The following WWP2 variants were observed in gnomAD, a reference collection of about 807,000 sequenced individuals.
WWP2 encodes WW domain containing E3 ubiquitin protein ligase 2, also known as NEDD4-like E3 ubiquitin-protein ligase WWP2.
In WWP2, 57 loss-of-function variants were observed where a neutral mutation model predicts 121.0. That is an observed-to-expected ratio of 0.47 (90% CI 0.38 to 0.59). The LOEUF (loss-of-function observed/expected upper bound fraction) is 0.59. Ranked by LOEUF, WWP2 falls within the 20% of genes least tolerant of loss-of-function variation. WWP2 has a pLI of 0.00. For synonymous variants in WWP2, 449 were observed against 441.3 expected (o/e 1.02, Z -0.22); for missense variants, 962 against 1,158.9 (o/e 0.83, Z 2.47).
At chr16:69,780,977 A>G (rs575412323) in intron 1 of WWP2, among the ~76,000 whole-genome samples, 7 of 152,190 alleles carry the variant, frequency 4.6e-5, no homozygotes, top group Non-Finnish European at 5.9e-5. Context: ...GTAGTGAGCT[A>G]TGATCATGTC....
chr16:69,811,507 G>A (rs1261473597), intron 4 of WWP2, among the ~76,000 whole-genome samples: 1 of 152,098 alleles, frequency 6.6e-6, no homozygotes, highest in Non-Finnish European at 1.5e-5. Flanking sequence ...CCACACTTTG[G>A]GAGGCTGAGG....
chr16:69,767,973 G>A (rs1362790369), intron 1 of WWP2, among the ~76,000 whole-genome samples: 2 of 152,148 alleles, frequency 1.3e-5, no homozygotes, highest in African/African-American at 4.8e-5. Context: ...AAGTAGCTGA[G>A]ACTATAGGCA....
intron 7 of WWP2, among the ~76,000 whole-genome samples, chr16:69,883,780 T>A (rs1371411607): frequency 6.6e-6 from 1 of 152,060 alleles, no homozygotes; most frequent in Non-Finnish European, 1.5e-5. Context: ...GTGAACCAGG[T>A]TGACTCAGAG....
At chr16:69,882,333 TA>T (rs1347086943) in intron 7 of WWP2, among the ~76,000 whole-genome samples, 1 of 152,262 alleles carries the variant, frequency 6.6e-6, no homozygotes, top group African/African-American at 2.4e-5. Flanking sequence ...TTTTATTTTT[TA>T]GTTTTTAATT....
chr16:69,792,600 C>G (rs1324601770), intron 2 of WWP2, among the ~76,000 whole-genome samples: 1 of 152,162 alleles, frequency 6.6e-6, no homozygotes, highest in Non-Finnish European at 1.5e-5. Flanking sequence ...GAGACCTGGC[C>G]AACTCCACAT....
intron 6 of WWP2, among the ~76,000 whole-genome samples, chr16:69,869,390 A>AT (rs1183553293): frequency 0.018 from 2,565 of 143,234 alleles, 37 homozygotes; most frequent in Middle Eastern, 0.088. Context: ...GAAAAACTTA[A>AT]TTTTTTTTTT....
chr16:69,926,989 C>T (rs1482280593), intron 11 of WWP2, among the ~76,000 whole-genome samples: 1 of 152,064 alleles, frequency 6.6e-6, no homozygotes, highest in Non-Finnish European at 1.5e-5. Context: ...GAGTGATGGT[C>T]ACCAGGTAAG....
chr16:69,799,580 C>T lies in WWP2; in HGVS notation c.340+285C>T, dbSNP rs1171803899. The T allele has an allele frequency of 2.7e-5, 9 of 336,168 alleles. No homozygotes were observed. Among genetic ancestry groups the T allele is most frequent in the South Asian group, 5.1e-5 (1 of 19,444 alleles). The allele number at this position is 336,168 out of a possible 1,614,324, so 20.8% of individuals were successfully genotyped here. On this transcript the variant is annotated intron_variant, in intron 4 of 23. Transcript: ENST00000359154. The surrounding 1 kb of genome is among the most constrained non-coding windows in gnomAD (Gnocchi z 4.5). ...TTCTGTCTGCCTCTGCTCCTCTTCCCGTTGCAGGAGATGTGTGATATGTTG... is the reference window on the plus strand; with the variant it reads ...TTCTGTCTGCCTCTGCTCCTCTTCCTGTTGCAGGAGATGTGTGATATGTTG...
chr16:69,866,098 G>A (rs959788452), intron 6 of WWP2, among the ~76,000 whole-genome samples: 2 of 152,078 alleles, frequency 1.3e-5, no homozygotes, highest in Non-Finnish European at 2.9e-5. Context: ...TTTCTCTGGC[G>A]TCTTCTTGGC....
intron 4 of WWP2, among the ~76,000 whole-genome samples, chr16:69,811,642 C>T (rs2056394808): frequency 6.6e-6 from 1 of 151,510 alleles, no homozygotes; most frequent in Non-Finnish European, 1.5e-5. Context: ...TAGTCCCAGC[C>T]ACTTGGGAGG....
chr16:69,786,575 A>G (rs1399956580), intron 1 of WWP2, among the ~76,000 whole-genome samples: 1 of 145,224 alleles, frequency 6.9e-6, no homozygotes, highest in Non-Finnish European at 1.5e-5. Flanking sequence ...CTCAGCCTCC[A>G]GAGTTGCTGG....
At chr16:69,781,916 C>T (rs1245119630) in intron 1 of WWP2, among the ~76,000 whole-genome samples, 1 of 152,056 alleles carries the variant, frequency 6.6e-6, no homozygotes, top group Non-Finnish European at 1.5e-5. Context: ...GTGGCCCCAG[C>T]CCTGAAGTAA....
chr16:69,794,693 A>G (rs536025848), intron 2 of WWP2, among the ~76,000 whole-genome samples: 1 of 152,350 alleles, frequency 6.6e-6, no homozygotes, highest in South Asian at 2.1e-4. Flanking sequence ...AAAAATGTAG[A>G]ATTTGCTGCA....
intron 7 of WWP2, among the ~76,000 whole-genome samples, chr16:69,887,555 G>A (rs1186799429): frequency 1.3e-5 from 2 of 152,224 alleles, no homozygotes; most frequent in African/African-American, 2.4e-5. Context: ...ATAGGTGTGC[G>A]CCACCATGCC....
At chr16:69,928,885 G>GT (rs1304597408) in intron 11 of WWP2, among the ~76,000 whole-genome samples, 1 of 152,238 alleles carries the variant, frequency 6.6e-6, no homozygotes, top group Admixed American at 6.5e-5. Context: ...GACTTAGCCT[G>GT]TAAGTGGGAG....
Position 69,878,942 on chromosome 16 carries a change from T to C in WWP2, c.703+7011T>C, listed in dbSNP as rs184950375. ...CATATATCCAAAGTAGTATAAAATA[T>C]TCATAAAGTGGTATATGAGGTTTAT... On this transcript the variant is annotated intron_variant, in intron 7 of 23. Transcript: ENST00000359154. Among the ~76,000 whole-genome samples, 372 of 152,334 alleles carry C rather than the reference T, an allele frequency of 2.4e-3. 1 individual carries two copies. The highest frequency in any genetic ancestry group is 4.2e-3 in the Non-Finnish European group (288 of 68,028).
At position 69,925,002 on chromosome 16, in the gene WWP2, G is replaced by T. The variant is rs2058618857; in HGVS notation, c.1180-428G>T. ...TGCGATATTTTTTCCCCTCCTGCGTGTGGTTCTTGGAGAAAGTTGGAGGTG... is the reference window on the plus strand; with the variant it reads ...TGCGATATTTTTTCCCCTCCTGCGTTTGGTTCTTGGAGAAAGTTGGAGGTG... On this transcript the variant is annotated intron_variant, in intron 10 of 23. Transcript: ENST00000359154. This position sits in a 1 kb window ranked among gnomAD's most constrained non-coding sequence, Gnocchi z 4.0. 3.0e-6 allele frequency: 3 copies of T among 992,386 alleles called. No homozygotes were observed. The highest frequency in any genetic ancestry group is 1.2e-4 in the Admixed American group (2 of 16,616). The allele number at this position is 992,386 out of a possible 1,614,324, so 61.5% of individuals were successfully genotyped here.
chr16:69,797,083 T>G (rs2056062931), intron 2 of WWP2, among the ~76,000 whole-genome samples: 1 of 152,178 alleles, frequency 6.6e-6, no homozygotes, highest in Non-Finnish European at 1.5e-5. Context: ...GACGTCTAGA[T>G]GTGTTTTACC....
rs1180083921 is a variant in WWP2 at position 69,851,011 on chromosome 16, T to A, written c.575+8891T>A. Among the ~76,000 whole-genome samples, 4 of 111,874 alleles carry A rather than the reference T, an allele frequency of 3.6e-5. No homozygotes were observed. In the East Asian group the frequency reaches 1.2e-3, roughly 34 times the overall value. The allele number at this position is 111,874 out of a possible 152,430, so 73.4% of individuals were successfully genotyped here. ...GTATATTAGGTTTCACTCTTTAATT[T>A]TTTTTTTTTTTTTTTGGACAGAGTC... On this transcript the variant is annotated intron_variant, in intron 6 of 23. Coordinates refer to ENST00000359154, the MANE Select transcript of WWP2 (RefSeq NM_001270454.2).
Sources: allele counts gnomAD v4.1 joint callset (sites outside exome capture counted in the v4.1 genomes callset), GRCh38; gene constraint gnomAD v4.1.1; non-coding constraint Gnocchi (gnomAD v3.1); transcripts MANE v1.5; gene names NCBI Gene and HGNC (gene_info 2026-07-23, HGNC 2026-07-21).